The following USP34 variants were observed in gnomAD, a reference collection of about 807,000 sequenced individuals.
USP34 encodes ubiquitin specific peptidase 34, also known as ubiquitin carboxyl-terminal hydrolase 34.
USP34 carries 70 observed loss-of-function variants against 460.3 expected under a neutral mutation model. The ratio of observed to expected loss-of-function variants is 0.15; its 90% CI spans 0.13 to 0.19. The LOEUF is 0.19. Ranked by LOEUF, USP34 falls within the 10% of genes least tolerant of loss-of-function variation. The pLI is 1.00. For synonymous variants in USP34, 1,647 were observed against 1,405.3 expected, an observed-to-expected ratio of 1.17 and a Z score of -3.85; for missense variants, 3,985 against 4,236.2, an observed-to-expected ratio of 0.94 and a Z score of 1.65.
intron 35 of USP34, 96 bp downstream of exon 35, chr2:61,284,779 A>T (rs1031253813): frequency 1.0e-6 from 1 of 983,638 alleles, no homozygotes; most frequent in Non-Finnish European, 1.4e-6. Context: ...TATCCCCCAA[A>T]TTTTTCTATT....
intron 44 of USP34, among the ~76,000 whole-genome samples, chr2:61,259,466 C>T (rs947159322): frequency 6.6e-6 from 1 of 151,738 alleles, no homozygotes; most frequent in Non-Finnish European, 1.5e-5. Context: ...CAGCTTGCTG[C>T]AACCTCTGCC....
intron 5 of USP34, among the ~76,000 whole-genome samples, chr2:61,388,356 C>T (rs541367937): frequency 6.6e-4 from 100 of 150,700 alleles, no homozygotes; most frequent in African/African-American, 2.4e-3. Flanking sequence ...ACAGACCTGA[C>T]AGAAGTATAA....
chr2:61,237,373 T>C (rs1259706584), intron 53 of USP34, among the ~76,000 whole-genome samples: 3 of 152,080 alleles, frequency 2.0e-5, no homozygotes, highest in Non-Finnish European at 2.9e-5. Context: ...TTTTGTCCCT[T>C]CAACCCCATA....
chr2:61,385,997 CAAAAAAAA>C (rs58518474), intron 5 of USP34, among the ~76,000 whole-genome samples: 3 of 99,450 alleles, frequency 3.0e-5, no homozygotes, highest in African/African-American at 1.1e-4. Flanking sequence ...ACTCTGTCTC[CAAAAAAAA>C]AAAAAAAAAG....
intron 37 of USP34, among the ~76,000 whole-genome samples, chr2:61,282,009 A>G (rs548572355): frequency 6.6e-6 from 1 of 152,292 alleles, no homozygotes; most frequent in East Asian, 1.9e-4. Flanking sequence ...TTTGTTTTTA[A>G]GACAGAGTCT....
In USP34 at chr2:61,190,387, T is replaced by C; in HGVS notation, c.9757A>G (p.Asn3253Asp). 1 of 1,610,978 alleles carries C rather than the reference T, an allele frequency of 6.2e-7. No individual in the cohort carries two copies. Among genetic ancestry groups the C allele is most frequent in the Non-Finnish European group, 8.5e-7 (1 of 1,179,106 alleles). Residue 3253 changes from asparagine to aspartate, a missense_variant, in exon 78 of 80, where the codon AAC becomes GAC. Around this residue, in one of 14 missense-constraint regions of USP34, gnomAD observed 506 missense variants for 439.0 expected, o/e 1.15. Coordinates refer to ENST00000398571, the MANE Select transcript of USP34 (RefSeq NM_014709.4). ...AGAGTGCTGATCAAATTGGCACAGT[T>C]TGCTTCAGAAAACACTTGACTTTGA... The part of the protein sequence containing the change: ...KVQSQVFSEA[N>D]CANLISTLIT...
intron 35 of USP34, among the ~76,000 whole-genome samples, chr2:61,284,311 G>C (rs1479118809): frequency 6.6e-6 from 1 of 152,084 alleles, no homozygotes; most frequent in Admixed American, 6.6e-5. Flanking sequence ...GGCTAATCAT[G>C]AAAACTCAAA....
chr2:61,232,300 AC>A, intron 58 of USP34, 151 bp downstream of exon 58: 1 of 656,842 alleles, frequency 1.5e-6, no homozygotes, highest in South Asian at 2.0e-5. Context: ...ACCTGGTGAA[AC>A]CAACAACAAA....
chr2:61,294,471 T>C (rs1165151543), intron 32 of USP34, among the ~76,000 whole-genome samples: 1 of 151,894 alleles, frequency 6.6e-6, no homozygotes, highest in Non-Finnish European at 1.5e-5. Context: ...CAGGCTGGAG[T>C]GCTGTGGTGC....
chr2:61,310,597 G>C (rs144889979), intron 27 of USP34, among the ~76,000 whole-genome samples: 1 of 149,924 alleles, frequency 6.7e-6, no homozygotes, highest in Non-Finnish European at 1.5e-5. Flanking sequence ...GGTATCTCTG[G>C]AAAGAGATAA....
chr2:61,231,926 C>T (rs895006992), intron 58 of USP34, among the ~76,000 whole-genome samples: 3 of 150,436 alleles, frequency 2.0e-5, no homozygotes, highest in African/African-American at 4.9e-5. Flanking sequence ...TCAATAGTAA[C>T]TGGAAAGTGG....
At chr2:61,360,651 A>T (rs1311076660) in intron 10 of USP34, among the ~76,000 whole-genome samples, 2 of 152,142 alleles carry the variant, frequency 1.3e-5, no homozygotes, top group South Asian at 4.1e-4. Flanking sequence ...CCCTATCAAA[A>T]TCTCAATGGC....
chr2:61,428,210 G>C (rs1694566903), intron 1 of USP34, among the ~76,000 whole-genome samples: 1 of 129,350 alleles, frequency 7.7e-6, no homozygotes, highest in Non-Finnish European at 1.6e-5. Context: ...AGGCAAAAAT[G>C]TTATTTCTGA....
intron 1 of USP34, among the ~76,000 whole-genome samples, chr2:61,452,987 C>A (rs1471013249): frequency 6.6e-6 from 1 of 150,830 alleles, no homozygotes; most frequent in Non-Finnish European, 1.5e-5. Context: ...TGTTAGGACA[C>A]CCTATCATAC....
At chr2:61,241,147 C>G (rs1688244871) in intron 53 of USP34, among the ~76,000 whole-genome samples, 3 of 152,060 alleles carry the variant, frequency 2.0e-5, no homozygotes, top group Admixed American at 6.5e-5. Context: ...CAGGTTCAAG[C>G]AATTCTCTGC....
chr2:61,289,475 T>G (rs1333217823), intron 33 of USP34, among the ~76,000 whole-genome samples: 2 of 152,116 alleles, frequency 1.3e-5, no homozygotes, highest in Non-Finnish European at 2.9e-5. Flanking sequence ...AAGCTCAATT[T>G]TAATAACAGT....
In USP34 at chr2:61,356,046, C is replaced by T. The variant is rs114173710; in HGVS notation, c.1252-5353G>A. On this transcript the variant is annotated intron_variant, in intron 10 of 79. Coordinates refer to ENST00000398571, the MANE Select transcript of USP34 (RefSeq NM_014709.4). ...TACCATTTAATCCAGCAATCTGACT[C>T]CTAGGTATATGTCTAAAAGAATTCA... Among the ~76,000 whole-genome samples, 852 of 152,192 alleles carry T rather than the reference C, an allele frequency of 5.6e-3. 7 individuals carry two copies. The highest frequency in any genetic ancestry group is 0.019 in the African/African-American group (777 of 41,506).
chr2:61,232,622 A>G, intron 57 of USP34, 90 bp from the exon 58 acceptor site: 4 of 1,066,276 alleles, frequency 3.8e-6, no homozygotes, highest in Admixed American at 2.5e-5. Context: ...TTTCTAGTCA[A>G]TGTTTTAATT....
intron 1 of USP34, among the ~76,000 whole-genome samples, 193 bp from the exon 2 acceptor site, chr2:61,421,026 GT>G (rs1400333639): frequency 1.3e-5 from 2 of 151,604 alleles, no homozygotes; most frequent in African/African-American, 4.8e-5. Flanking sequence ...GATGTAAGGG[GT>G]GGGGGGGGCA....
Sources: gnomAD v4.1 joint callset for allele counts (sites outside exome capture counted in the v4.1 genomes callset) on GRCh38, gnomAD v4.1.1 for gene constraint, gnomAD v4.1.1 regional missense constraint, MANE v1.5 for transcripts, NCBI Gene and HGNC (gene_info 2026-07-23, HGNC 2026-07-21) for gene names.